Variants in ULK4 observed in about 807,000 individuals in gnomAD.
The protein encoded by ULK4 is inactive serine/threonine-protein kinase ULK4.
Under a neutral mutation model 160.6 loss-of-function variants are expected in ULK4, and 133 were observed. The ratio of observed to expected loss-of-function variants is 0.83; its 90% CI spans 0.72 to 0.96. The LOEUF (loss-of-function observed/expected upper bound fraction) is 0.96. ULK4 is among the 40% of genes least tolerant of loss of function. The pLI, the probability that ULK4 is intolerant of heterozygous loss-of-function variation, is 0.00. For missense variants in ULK4, 1,580 were observed against 1,499.5 expected, an observed-to-expected ratio of 1.05 and a Z score of -0.89; for synonymous variants, 534 against 539.8, an observed-to-expected ratio of 0.99 and a Z score of 0.15.
chr3:41,470,216 A>C (rs1445385194), intron 32 of ULK4, among the ~76,000 whole-genome samples: 1 of 152,064 alleles, frequency 6.6e-6, no homozygotes, highest in Non-Finnish European at 1.5e-5. Flanking sequence ...AAAATATGCT[A>C]ATATGCTGAC....
chr3:41,782,865 G>A (rs2125584998), intron 21 of ULK4, among the ~76,000 whole-genome samples: 1 of 152,292 alleles, frequency 6.6e-6, no homozygotes, highest in African/African-American at 2.4e-5. Flanking sequence ...AAAGAGGACT[G>A]TAGGAATGAA....
chr3:41,564,910 C>A (rs2087734324), intron 32 of ULK4, among the ~76,000 whole-genome samples: 1 of 152,140 alleles, frequency 6.6e-6, no homozygotes, highest in South Asian at 2.1e-4. Flanking sequence ...CTTCAAGCTC[C>A]ATCCATATTA....
At chr3:41,431,453 G>T (rs1414173679) in intron 34 of ULK4, among the ~76,000 whole-genome samples, 1 of 150,194 alleles carries the variant, frequency 6.7e-6, no homozygotes, top group African/African-American at 2.4e-5. Context: ...TAGGTAGGGG[G>T]TGTTTAACAT....
intron 30 of ULK4, among the ~76,000 whole-genome samples, chr3:41,630,533 A>G (rs1333324609): frequency 6.6e-6 from 1 of 152,204 alleles, no homozygotes; most frequent in African/African-American, 2.4e-5. Flanking sequence ...CCACATTTAA[A>G]GGGCTCTTAC....
intron 35 of ULK4, among the ~76,000 whole-genome samples, chr3:41,325,106 T>C (rs930341494): frequency 1.1e-4 from 16 of 152,162 alleles, no homozygotes; most frequent in African/African-American, 3.9e-4. Flanking sequence ...CCTACAATTT[T>C]CTGATGCTTT....
chr3:41,758,628 G>A (rs1163356781), intron 21 of ULK4, among the ~76,000 whole-genome samples: 6 of 152,180 alleles, frequency 3.9e-5, no homozygotes, highest in Non-Finnish European at 8.8e-5. Flanking sequence ...GCTCATGCCT[G>A]TAATCCCAGC....
At chr3:41,706,806 C>T (rs1223891410) in intron 25 of ULK4, among the ~76,000 whole-genome samples, 20 of 135,874 alleles carry the variant, frequency 1.5e-4, no homozygotes, top group South Asian at 2.3e-4. Flanking sequence ...CCAGCCTGGC[C>T]GACAGAGCGA....
At chr3:41,789,917 C>T (rs1559554630) in intron 20 of ULK4, 74 bp from the exon 21 acceptor site, 2 of 1,318,618 alleles carry the variant, frequency 1.5e-6, no homozygotes, top group Non-Finnish European at 1.0e-6. Flanking sequence ...GTAACACATG[C>T]TTCTGTGTCA....
chr3:41,319,157 C>G (rs2080202237), intron 35 of ULK4, among the ~76,000 whole-genome samples: 1 of 152,168 alleles, frequency 6.6e-6, no homozygotes, highest in Admixed American at 6.5e-5. Context: ...AGTGCAGAGG[C>G]TATGGCAACC....
intron 30 of ULK4, among the ~76,000 whole-genome samples, chr3:41,647,798 G>T (rs1418053328): frequency 1.3e-5 from 2 of 152,310 alleles, no homozygotes; most frequent in East Asian, 3.9e-4. Context: ...TGCCCCCAGG[G>T]GTGGAGCCTA....
At chr3:41,951,105 A>G (rs1360785674) in intron 2 of ULK4, among the ~76,000 whole-genome samples, 1 of 135,848 alleles carries the variant, frequency 7.4e-6, no homozygotes. Flanking sequence ...AGATTGTGTC[A>G]CTGCACTCCA....
In ULK4 at chr3:41,401,386, T is replaced by G. The variant is rs147952542; in HGVS notation, c.3493-3122A>C. ...TATCCAATTGCTCCAGCACCATTCT[T>G]GGAAAGGCTATTGTTGTCCTATGGT... On this transcript the variant is annotated intron_variant, in intron 34 of 36. Coordinates refer to ENST00000301831, the MANE Select transcript of ULK4 (RefSeq NM_017886.4). Among the ~76,000 whole-genome samples the G allele has an allele frequency of 2.5e-3, 376 of 152,290 alleles. 1 individual carries two copies. Among genetic ancestry groups the G allele is most frequent in the African/African-American group, 8.3e-3 (346 of 41,568 alleles).
chr3:41,591,567 C>G (rs1268882969), intron 31 of ULK4, among the ~76,000 whole-genome samples: 1 of 151,684 alleles, frequency 6.6e-6, no homozygotes, highest in Non-Finnish European at 1.5e-5. Flanking sequence ...GGGCCACATT[C>G]AAAGCTGTCC....
chr3:41,445,521 C>T (rs1186541217), intron 34 of ULK4, among the ~76,000 whole-genome samples: 3 of 152,024 alleles, frequency 2.0e-5, no homozygotes. Context: ...GGTACCAAAA[C>T]AGAGATATAG....
At chr3:41,754,284 C>A in intron 22 of ULK4, 77 bp downstream of exon 22, 2 of 1,469,010 alleles carry the variant, frequency 1.4e-6, no homozygotes, top group Non-Finnish European at 1.8e-6. Flanking sequence ...ACACAGAGGC[C>A]AAGAAATACC....
intron 34 of ULK4, among the ~76,000 whole-genome samples, chr3:41,449,619 T>C (rs2083381387): frequency 6.6e-6 from 1 of 151,962 alleles, no homozygotes; most frequent in Non-Finnish European, 1.5e-5. Context: ...TGCCACTGAC[T>C]GTGAAGTCAG....
At chr3:41,305,349 G>A (rs2079886136) in intron 35 of ULK4, among the ~76,000 whole-genome samples, 1 of 152,222 alleles carries the variant, frequency 6.6e-6, no homozygotes, top group Non-Finnish European at 1.5e-5. Context: ...TCCTGACTGA[G>A]CATGCTGAGT....
intron 35 of ULK4, among the ~76,000 whole-genome samples, chr3:41,321,310 T>TGTAGAAACCTTGCTTCCCAC (rs2080240813): frequency 6.6e-6 from 1 of 152,176 alleles, no homozygotes; most frequent in Non-Finnish European, 1.5e-5. Context: ...AACTTTTCCG[T>TGTAGAAACCTTGCTTCCCAC]GTAGAAACCT....
rs1377286797 is a variant in ULK4 at position 41,762,819 on chromosome 3, T to A, written c.2194-8331A>T. 2.6e-5 allele frequency among the ~76,000 whole-genome samples: 4 copies of A among 152,024 alleles called. No homozygotes were observed. The East Asian group carries it at 7.7e-4, about 29-fold the overall frequency. On this transcript the variant is annotated intron_variant, in intron 21 of 36. Coordinates refer to ENST00000301831, the MANE Select transcript of ULK4 (RefSeq NM_017886.4). ...CTGGGACTACAGGTGCCCACAACCA[T>A]ATCCCACTAATTTTTTTCTGTATTT...
Sources: allele counts gnomAD v4.1 joint callset (sites outside exome capture counted in the v4.1 genomes callset), GRCh38; gene constraint gnomAD v4.1.1; transcripts MANE v1.5; gene names NCBI Gene and HGNC (gene_info 2026-07-23, HGNC 2026-07-21).